BCL2L12: variants seen among roughly 807,000 people sequenced by gnomAD.
The protein encoded by BCL2L12 is bcl-2-like protein 12.
BCL2L12 carries 27 observed loss-of-function variants against 25.7 expected under a neutral mutation model. That is an observed-to-expected ratio of 1.05 (90% CI 0.78 to 1.45). The LOEUF is 1.45. BCL2L12 is among the 40% of genes most tolerant of loss of function. BCL2L12 has a pLI of 0.00. For missense variants in BCL2L12, 302 were observed against 329.8 expected (o/e 0.92, Z 0.65); for synonymous variants, 132 against 145.6 (o/e 0.91, Z 0.67).
At chr19:49,669,969 G>T (rs2081918943) in intron 5 of BCL2L12, among the ~76,000 whole-genome samples, 1 of 152,182 alleles carries the variant, frequency 6.6e-6, no homozygotes, top group Non-Finnish European at 1.5e-5. Context: ...TTACAGTAGA[G>T]ATTGGCCCTG....
At chr19:49,670,099 T>A (rs2081922234) in intron 5 of BCL2L12, 117 bp from the exon 6 acceptor site, 1 of 1,325,706 alleles carries the variant, frequency 7.5e-7, no homozygotes, top group South Asian at 1.4e-5. Flanking sequence ...GGATGAGGGG[T>A]GGCCTAGAAC....
At chr19:49,666,952 A>C in intron 2 of BCL2L12, 67 bp from the exon 3 acceptor site, 1 of 1,572,352 alleles carries the variant, frequency 6.4e-7, no homozygotes, top group Non-Finnish European at 8.6e-7. Flanking sequence ...GGAGGGAGGG[A>C]GTTGGGGAAA....
Position 49,666,796 on chromosome 19 carries a change from C to A in BCL2L12, c.104C>A (p.Pro35His). The A allele has an allele frequency of 6.4e-7, 1 of 1,556,484 alleles. No individual in the cohort carries two copies. The highest frequency in any genetic ancestry group is 2.4e-5 in the East Asian group (1 of 41,474). ...EAAGSPVPTP[P>H]RSPAQEEPTD... ...GCCGGGTCTCCTGTTCCAACTCCAC[C>A]TAGGTAAGAGGAGTGGCCCTTCTCC... Residue 35 changes from proline to histidine, a missense_variant, in exon 2 of 7, where the codon CCT becomes CAT. Pro to His is a moderately conservative substitution (Grantham distance 77, BLOSUM62 -2). Transcript: ENST00000246784.
Position 49,666,007 on chromosome 19 carries a change from C to A in BCL2L12, c.-69C>A, listed in dbSNP as rs79741544. 6.3e-7 allele frequency: 1 copy of A among 1,594,450 alleles called. No individual in the cohort carries two copies. On this transcript the variant is annotated 5_prime_UTR_variant, in exon 1 of 7. Transcript: ENST00000246784. ...GAAAGTTGAACTAATAAAGTTTGTA[C>A]GAGTTCAGTGGAGGAGACCGCAAGT... is the stretch of plus-strand genomic sequence containing the variant.
rs963075486 is a variant in BCL2L12, at chr19:49,673,874, A to T, written c.*126A>T. The stretch of plus-strand genomic sequence containing the variant: ...GTTGCCCTACCTGTTTTTGCCAAAA[A>T]TAAATTGTTTAAAACTTTTCTTATT... On this transcript the variant is annotated 3_prime_UTR_variant, in exon 7 of 7. Coordinates refer to ENST00000246784, the MANE Select transcript of BCL2L12 (RefSeq NM_138639.2). 8.4e-6 allele frequency: 9 copies of T among 1,075,126 alleles called. No homozygotes were observed. The African/African-American group carries it at 9.5e-5, about 11-fold the overall frequency. 66.6% of individuals were successfully genotyped at this position (1,075,126 alleles called of 1,614,324 possible).
intron 6 of BCL2L12, among the ~76,000 whole-genome samples, chr19:49,673,003 G>A (rs1347341377): frequency 2.6e-5 from 4 of 152,082 alleles, no homozygotes; most frequent in Admixed American, 1.3e-4. Flanking sequence ...AGTAGCTGGG[G>A]TTACAGGCGC....
chr19:49,665,854 CT>C (rs1460695570), upstream of BCL2L12: 5 of 1,608,470 alleles, frequency 3.1e-6, no homozygotes, highest in South Asian at 2.2e-5. Context: ...GTTCCCGCCC[CT>C]ATGCCCTTTT....
In BCL2L12 at chr19:49,666,717, C is replaced by G; in HGVS notation, c.25C>G (p.Leu9Val). ...CATGGCAGGCTCTGAAGAGCTGGGGCTCCGGGAAGACACGCTGAGGGTCCT... is the reference window on the plus strand; with the variant it reads ...CATGGCAGGCTCTGAAGAGCTGGGGGTCCGGGAAGACACGCTGAGGGTCCT... Reference protein sequence around the residue: MAGSEELGLREDTLRVLAA... With the variant: MAGSEELGVREDTLRVLAA... Residue 9 changes from leucine (L) to valine (V), a missense_variant, in exon 2 of 7, where the codon CTC becomes GTC. Leu to Val is a conservative substitution (Grantham distance 32). Coordinates refer to ENST00000246784, the MANE Select transcript of BCL2L12 (RefSeq NM_138639.2). 6.4e-7 allele frequency: 1 copy of G among 1,555,038 alleles called. No individual in the cohort carries two copies. Among genetic ancestry groups the G allele is most frequent in the Non-Finnish European group, 8.7e-7 (1 of 1,148,698 alleles).
At chr19:49,673,544 G>A (rs2082003232) in intron 6 of BCL2L12, among the ~76,000 whole-genome samples, 154 bp from the exon 7 acceptor site, 1 of 152,042 alleles carries the variant, frequency 6.6e-6, no homozygotes, top group Admixed American at 6.6e-5. Flanking sequence ...GTGCCCTTCT[G>A]TCTGGGTCTC....
chr19:49,665,617 C>A (rs974849430), upstream of BCL2L12: 2 of 617,102 alleles, frequency 3.2e-6, no homozygotes, highest in South Asian at 2.1e-5. Context: ...CTCTCCCGGG[C>A]TCTTCCGCGT....
intron 3 of BCL2L12, 42 bp downstream of exon 3, chr19:49,667,203 G>A (rs1362808290): frequency 6.3e-7 from 1 of 1,599,478 alleles, no homozygotes; most frequent in Non-Finnish European, 8.6e-7. Context: ...GGCAGAACAC[G>A]GGATAAGGTG....
chr19:49,671,593 G>A (rs1408443128), intron 6 of BCL2L12, among the ~76,000 whole-genome samples: 1 of 152,166 alleles, frequency 6.6e-6, no homozygotes, highest in Non-Finnish European at 1.5e-5. Context: ...AGCTATGATT[G>A]CGCCACTGTA....
At chr19:49,666,092 G>T in intron 1 of BCL2L12, 25 bp downstream of exon 1, 1 of 1,533,612 alleles carries the variant, frequency 6.5e-7, no homozygotes, top group Non-Finnish European at 8.8e-7. Context: ...GACGAGGGGT[G>T]GGGTGAGGAG....
rs747668604 is a variant in BCL2L12, at chr19:49,670,355, C to T, written c.569C>T (p.Pro190Leu). The T allele has an allele frequency of 3.7e-5, 59 of 1,593,406 alleles. No homozygotes were observed. The Middle Eastern group carries it at 6.0e-4, about 16-fold the overall frequency. The change falls in exon 6 of 7, where the codon CCG becomes CTG. Residue 190 changes from proline to leucine, a missense_variant. Coordinates refer to ENST00000246784, the MANE Select transcript of BCL2L12 (RefSeq NM_138639.2). ...TGCCCCGGGCCCCCGCCTCCTTCCCCGGAGCCCCTGGCCCGCCTGGCCCTA... is the reference window on the plus strand; with the variant it reads ...TGCCCCGGGCCCCCGCCTCCTTCCCTGGAGCCCCTGGCCCGCCTGGCCCTA... ...RACPGPPPPS[P>L]EPLARLALAM...
intron 3 of BCL2L12, among the ~76,000 whole-genome samples, chr19:49,667,891 G>A (rs936434032): frequency 4.0e-5 from 6 of 150,776 alleles, no homozygotes; most frequent in Non-Finnish European, 8.9e-5. Context: ...AGCGATTCTC[G>A]TGCCTCAGCC....
intron 1 of BCL2L12, 123 bp from the exon 2 acceptor site, chr19:49,666,562 C>T (rs2081775322): frequency 1.5e-6 from 1 of 678,122 alleles, no homozygotes; most frequent in Non-Finnish European, 2.5e-6. Flanking sequence ...CAGACCCACA[C>T]TCTCCAAAGG....
chr19:49,666,616 G>T (rs2081779249), intron 1 of BCL2L12, 69 bp from the exon 2 acceptor site: 4 of 1,252,080 alleles, frequency 3.2e-6, no homozygotes, highest in Admixed American at 4.8e-5. Context: ...GGACTCACAA[G>T]TCCTGGTCCC....
intron 3 of BCL2L12, among the ~76,000 whole-genome samples, chr19:49,668,125 C>T (rs1159723487): frequency 1.8e-4 from 22 of 122,460 alleles, no homozygotes; most frequent in Admixed American, 6.4e-4. Context: ...GACGGAGTTT[C>T]GCCCTTGTTG....
In BCL2L12 at chr19:49,673,848, G is replaced by T; in HGVS notation, c.*100G>T. The T allele has an allele frequency of 2.9e-6, 4 of 1,387,498 alleles. No homozygotes were observed. The highest frequency in any genetic ancestry group is 1.3e-5 in the South Asian group (1 of 76,394). The allele number at this position is 1,387,498 out of a possible 1,614,324, so 85.9% of individuals were successfully genotyped here. On this transcript the variant is annotated 3_prime_UTR_variant, in exon 7 of 7. Coordinates refer to ENST00000246784, the MANE Select transcript of BCL2L12 (RefSeq NM_138639.2). Reference sequence around the variant, plus strand: ...ATTCCACTCAGGGCTGTGGGGTGGTGGTTGCCCTACCTGTTTTTGCCAAAA... The same window carrying T: ...ATTCCACTCAGGGCTGTGGGGTGGTTGTTGCCCTACCTGTTTTTGCCAAAA...
Sources: gnomAD v4.1 joint callset for allele counts (sites outside exome capture counted in the v4.1 genomes callset) on GRCh38, gnomAD v4.1.1 for gene constraint, MANE v1.5 for transcripts, NCBI Gene and HGNC (gene_info 2026-07-23, HGNC 2026-07-21) for gene names.